UBE2E2: variants seen among roughly 807,000 people sequenced by gnomAD.
UBE2E2 encodes the protein ubiquitin-conjugating enzyme E2 E2.
In UBE2E2, 6 loss-of-function variants were observed where a neutral mutation model predicts 24.7. The ratio of observed to expected loss-of-function variants is 0.24; its 90% CI spans 0.13 to 0.48. The LOEUF is 0.48. Among genes scored for constraint, UBE2E2 ranks in the 20% least tolerant of loss-of-function variants. UBE2E2 has a pLI of 0.99. For missense variants in UBE2E2, 169 were observed against 245.0 expected, an observed-to-expected ratio of 0.69 and a Z score of 2.07; for synonymous variants, 104 against 83.6, an observed-to-expected ratio of 1.24 and a Z score of -1.33.
At chr3:23,255,876 A>G (rs1483861142) in intron 3 of UBE2E2, among the ~76,000 whole-genome samples, 1 of 152,130 alleles carries the variant, frequency 6.6e-6, no homozygotes, top group Non-Finnish European at 1.5e-5. Context: ...AGGCAGGAGG[A>G]TTGCTTGAAC....
rs905971608 is a variant in UBE2E2 at position 23,280,210 on chromosome 3, C to T, written c.227+62898C>T. Among the ~76,000 whole-genome samples, 1 of 152,160 alleles carries T rather than the reference C, an allele frequency of 6.6e-6. No individual in the cohort carries two copies. The highest frequency in any genetic ancestry group is 2.4e-5 in the African/African-American group (1 of 41,436). On this transcript the variant is annotated intron_variant, in intron 3 of 5. Coordinates refer to ENST00000396703, the MANE Select transcript of UBE2E2 (RefSeq NM_152653.4). The surrounding 1 kb of genome is among the most constrained non-coding windows in gnomAD (Gnocchi z 4.3). ...GGCTGTGGGTACCAAAGATAACTAA[C>T]CTATAATAACCTATTTTGGGGAAGT...
chr3:23,516,234 G>A (rs1026430078), intron 4 of UBE2E2, among the ~76,000 whole-genome samples: 2 of 152,020 alleles, frequency 1.3e-5, no homozygotes, highest in Non-Finnish European at 2.9e-5. Flanking sequence ...ATATTAGGGG[G>A]AGAAAGAATA....
chr3:23,308,411 A>C (rs1310660582), intron 3 of UBE2E2, among the ~76,000 whole-genome samples: 3 of 152,212 alleles, frequency 2.0e-5, no homozygotes, highest in African/African-American at 4.8e-5. Context: ...ATTACATACT[A>C]TAGTGAATTA....
intron 3 of UBE2E2, among the ~76,000 whole-genome samples, chr3:23,241,125 G>C (rs932431565): frequency 5.9e-5 from 9 of 152,052 alleles, no homozygotes; most frequent in Admixed American, 4.6e-4. Context: ...TCAGTTAATA[G>C]CAAATCTGTC....
chr3:23,556,510 C>T (rs568461050), intron 5 of UBE2E2, among the ~76,000 whole-genome samples: 2 of 124,870 alleles, frequency 1.6e-5, no homozygotes, highest in East Asian at 4.8e-4. Flanking sequence ...CAAAAGTAAA[C>T]GTGAAAAGAA....
intron 3 of UBE2E2, among the ~76,000 whole-genome samples, chr3:23,401,889 G>T (rs754985737): frequency 2.4e-5 from 3 of 122,718 alleles, no homozygotes; most frequent in African/African-American, 6.5e-5. Flanking sequence ...ATGGAGTCTC[G>T]CTGTGTCACC....
intron 3 of UBE2E2, among the ~76,000 whole-genome samples, chr3:23,445,115 C>T (rs947829410): frequency 2.6e-5 from 4 of 152,158 alleles, no homozygotes; most frequent in African/African-American, 7.2e-5. Flanking sequence ...ACGCATTTAG[C>T]AATAGCTTTT....
intron 5 of UBE2E2, among the ~76,000 whole-genome samples, chr3:23,579,220 G>A (rs533660656): frequency 4.6e-5 from 7 of 151,920 alleles, no homozygotes; most frequent in South Asian, 2.1e-4. Context: ...GTGAAACCCC[G>A]TAAAAATACA....
intron 3 of UBE2E2, among the ~76,000 whole-genome samples, chr3:23,484,827 G>A (rs924323861): frequency 1.3e-5 from 2 of 152,084 alleles, no homozygotes; most frequent in Non-Finnish European, 2.9e-5. Flanking sequence ...ATCTCGTGAG[G>A]CTTATTCACT....
rs181415870 is a variant in UBE2E2 at position 23,353,512 on chromosome 3, T to G, written c.227+136200T>G. On this transcript the variant is annotated intron_variant, in intron 3 of 5. Coordinates refer to ENST00000396703, the MANE Select transcript of UBE2E2 (RefSeq NM_152653.4). Reference sequence around the variant, plus strand: ...CCATCGTGTCAGCCCAAAATCTCCTTAAGCTGATAAGCAACTTCAGCAAAG... The same window carrying G: ...CCATCGTGTCAGCCCAAAATCTCCTGAAGCTGATAAGCAACTTCAGCAAAG... Among the ~76,000 whole-genome samples the G allele has an allele frequency of 6.5e-4, 99 of 152,328 alleles. 5 individuals carry two copies. In the East Asian group the frequency reaches 0.016, roughly 24 times the overall value.
chr3:23,558,506 A>G (rs1575706105), intron 5 of UBE2E2, among the ~76,000 whole-genome samples: 2 of 152,154 alleles, frequency 1.3e-5, no homozygotes, highest in African/African-American at 4.8e-5. Flanking sequence ...ACCATCCTGA[A>G]ATCAGTCTCC....
At chr3:23,353,502 A>C (rs1575580991) in intron 3 of UBE2E2, among the ~76,000 whole-genome samples, 1 of 152,240 alleles carries the variant, frequency 6.6e-6, no homozygotes, top group East Asian at 1.9e-4. Flanking sequence ...GTGTCAGCCC[A>C]AAATCTCCTT....
chr3:23,345,514 A>G (rs1695529313), intron 3 of UBE2E2, among the ~76,000 whole-genome samples: 1 of 152,212 alleles, frequency 6.6e-6, no homozygotes, highest in Non-Finnish European at 1.5e-5. Flanking sequence ...TCACATAACC[A>G]ACACCTCTTA....
At chr3:23,266,138 C>T (rs185052177) in intron 3 of UBE2E2, among the ~76,000 whole-genome samples, 2 of 152,262 alleles carry the variant, frequency 1.3e-5, no homozygotes, top group East Asian at 3.9e-4. Flanking sequence ...AGCATTTAGT[C>T]CATTTACCTT....
At chr3:23,461,997 G>T (rs574480471) in intron 3 of UBE2E2, among the ~76,000 whole-genome samples, 1 of 152,162 alleles carries the variant, frequency 6.6e-6, no homozygotes, top group East Asian at 1.9e-4. Context: ...AAACTTGGGG[G>T]TGAGCTAAAG....
intron 3 of UBE2E2, among the ~76,000 whole-genome samples, chr3:23,277,613 A>G (rs1252771380): frequency 2.0e-5 from 3 of 152,116 alleles, no homozygotes; most frequent in Non-Finnish European, 2.9e-5. Flanking sequence ...TTAATAAATG[A>G]TAAGAAAGAG....
chr3:23,339,000 A>G (rs1052976818), intron 3 of UBE2E2, among the ~76,000 whole-genome samples: 3 of 152,202 alleles, frequency 2.0e-5, no homozygotes, highest in Non-Finnish European at 2.9e-5. Flanking sequence ...TACTATAATT[A>G]TAAAGGAATC....
At chr3:23,390,866 A>G (rs1183259635) in intron 3 of UBE2E2, among the ~76,000 whole-genome samples, 1 of 152,188 alleles carries the variant, frequency 6.6e-6, no homozygotes, top group Non-Finnish European at 1.5e-5. Flanking sequence ...AAACATCATT[A>G]TATCTTTGCT....
intron 3 of UBE2E2, among the ~76,000 whole-genome samples, chr3:23,315,443 A>C (rs1366842095): frequency 1.3e-5 from 2 of 151,890 alleles, no homozygotes; most frequent in Non-Finnish European, 1.5e-5. Flanking sequence ...TGCATTTTTC[A>C]ACTACAGGAT....
Sources: allele counts gnomAD v4.1 joint callset (sites outside exome capture counted in the v4.1 genomes callset), GRCh38; gene constraint gnomAD v4.1.1; non-coding constraint Gnocchi (gnomAD v3.1); transcripts MANE v1.5; gene names NCBI Gene and HGNC (gene_info 2026-07-23, HGNC 2026-07-21).